Variants in FBXO33 observed in about 807,000 individuals in gnomAD.
FBXO33 encodes the protein F-box protein 33.
A neutral mutation model predicts 46.3 loss-of-function variants in FBXO33; 22 were observed. The observed-to-expected ratio is 0.48, with a 90% CI of 0.34 to 0.68. FBXO33 has a LOEUF of 0.68. Among genes scored for constraint, FBXO33 ranks in the 30% least tolerant of loss-of-function variants. The pLI, the probability that FBXO33 is intolerant of heterozygous loss-of-function variation, is 0.01. For missense variants in FBXO33, 692 were observed against 708.8 expected (o/e 0.98, Z 0.27); for synonymous variants, 337 against 291.3 (o/e 1.16, Z -1.60).
intron 1 of FBXO33, among the ~76,000 whole-genome samples, chr14:39,419,235 C>G (rs10136852): frequency 0.19 from 28,486 of 152,090 alleles, 2,713 homozygotes; most frequent in Middle Eastern, 0.29. Context: ...TTATAACTCA[C>G]GTATTTCAGA....
At chr14:39,426,167 AT>A (rs905389323) in intron 1 of FBXO33, among the ~76,000 whole-genome samples, 15 of 151,964 alleles carry the variant, frequency 9.9e-5, no homozygotes, top group African/African-American at 1.4e-4. Context: ...TTTCATATTT[AT>A]TTTTTTAACA....
Position 39,397,691 on chromosome 14 carries a change from T to C in FBXO33, c.*1825A>G, listed in dbSNP as rs1377873697. The C allele has an allele frequency of 6.6e-6, 1 of 152,646 alleles. No individual in the cohort carries two copies. Among genetic ancestry groups the C allele is most frequent in the Non-Finnish European group, 1.5e-5 (1 of 68,034 alleles). 9.5% of individuals were successfully genotyped at this position (152,646 alleles called of 1,614,324 possible). A position where few individuals can be genotyped will look rare whatever the true frequency, so the allele number is the denominator to read the frequency against. On this transcript the variant is annotated 3_prime_UTR_variant, in exon 4 of 4. Coordinates refer to ENST00000298097, the MANE Select transcript of FBXO33 (RefSeq NM_203301.4). ...ACATTATTATACACAATATAAGGATTATTGCAGTTTATTTAACACTAAAAG... is the reference window on the plus strand; with the variant it reads ...ACATTATTATACACAATATAAGGATCATTGCAGTTTATTTAACACTAAAAG...
chr14:39,418,414 T>C (rs1048996636), intron 1 of FBXO33, among the ~76,000 whole-genome samples: 3 of 151,588 alleles, frequency 2.0e-5, no homozygotes, highest in African/African-American at 4.8e-5. Flanking sequence ...CAGAAAAACA[T>C]GTCAAATTTG....
intron 1 of FBXO33, among the ~76,000 whole-genome samples, chr14:39,421,830 G>A (rs551364726): frequency 6.7e-6 from 1 of 150,264 alleles, no homozygotes; most frequent in Admixed American, 6.6e-5. Context: ...ACACACGCAC[G>A]AGTAAGAATA....
rs1261735240 is a variant in FBXO33 at position 39,399,229 on chromosome 14, A to G, written c.*287T>C. 8.8e-6 allele frequency: 2 copies of G among 228,412 alleles called. No homozygotes were observed. The highest frequency in any genetic ancestry group is 1.7e-5 in the Non-Finnish European group (2 of 117,450). The allele number at this position is 228,412 out of a possible 1,614,324, so 14.1% of individuals were successfully genotyped here. ...AAACGTCAAAAAGGCAGAGTAACTC[A>G]GTGAAAAATAAAGTTAGCCAGCAAC... On this transcript the variant is annotated 3_prime_UTR_variant, in exon 4 of 4. Transcript: ENST00000298097.
intron 1 of FBXO33, among the ~76,000 whole-genome samples, chr14:39,425,806 G>A (rs1034735200): frequency 1.6e-4 from 25 of 152,132 alleles, no homozygotes; most frequent in African/African-American, 5.8e-4. Context: ...TTGAGCGCTC[G>A]AAATGTGGCT....
intron 1 of FBXO33, among the ~76,000 whole-genome samples, chr14:39,418,183 C>T (rs1184560946): frequency 6.6e-6 from 1 of 151,804 alleles, no homozygotes; most frequent in Non-Finnish European, 1.5e-5. Context: ...CCTGCCTCAG[C>T]CTCCCGAGTA....
intron 1 of FBXO33, among the ~76,000 whole-genome samples, chr14:39,413,354 C>G (rs1439645273): frequency 6.6e-6 from 1 of 152,224 alleles, no homozygotes; most frequent in Non-Finnish European, 1.5e-5. Flanking sequence ...TCAGGCTCCA[C>G]TTCCAATTCT....
chr14:39,418,234 T>C (rs1301685431), intron 1 of FBXO33, among the ~76,000 whole-genome samples: 1 of 151,120 alleles, frequency 6.6e-6, no homozygotes, highest in Non-Finnish European at 1.5e-5. Context: ...CGGCTAATTT[T>C]TTGTGTTTTT....
intron 1 of FBXO33, among the ~76,000 whole-genome samples, chr14:39,410,887 C>T (rs573160590): frequency 6.6e-6 from 1 of 152,126 alleles, no homozygotes; most frequent in Admixed American, 6.5e-5. Context: ...TCTTTCACTT[C>T]GAGTCTTTTT....
At chr14:39,400,939 T>C (rs7151017) in intron 3 of FBXO33, among the ~76,000 whole-genome samples, 143,320 of 152,244 alleles carry the variant, frequency 0.94, 67,517 homozygotes, top group East Asian at 0.96. Flanking sequence ...TATGAAATAC[T>C]GCCATTCACA....
intron 1 of FBXO33, among the ~76,000 whole-genome samples, chr14:39,405,741 T>C (rs1276213301): frequency 6.6e-6 from 1 of 151,428 alleles, no homozygotes; most frequent in Non-Finnish European, 1.5e-5. Flanking sequence ...AATTCATATA[T>C]AAAATCACCC....
chr14:39,410,234 T>C (rs2075416527), intron 1 of FBXO33, among the ~76,000 whole-genome samples: 1 of 152,162 alleles, frequency 6.6e-6, no homozygotes, highest in African/African-American at 2.4e-5. Context: ...ATTTTTTGAG[T>C]GCTATATCAT....
At chr14:39,427,669 G>A (rs2075522621) in intron 1 of FBXO33, among the ~76,000 whole-genome samples, 1 of 152,012 alleles carries the variant, frequency 6.6e-6, no homozygotes, top group Non-Finnish European at 1.5e-5. Flanking sequence ...CAGGGTGCAG[G>A]GGATCACACC....
At chr14:39,428,465 G>A (rs1382659022) in intron 1 of FBXO33, among the ~76,000 whole-genome samples, 1 of 152,144 alleles carries the variant, frequency 6.6e-6, no homozygotes, top group East Asian at 1.9e-4. Context: ...CTCCCAGAAA[G>A]TGCTGTCATT....
Position 39,432,046 on chromosome 14 carries a change from C to G in FBXO33, c.117G>C (p.Arg39=). Residue 39 remains arginine (R), a synonymous_variant, in exon 1 of 4, where the codon CGG becomes CGC. Coordinates refer to ENST00000298097, the MANE Select transcript of FBXO33 (RefSeq NM_203301.4). ...GCCCCCGCAGTACCCGGAGCAGCCCCCGCAGCCGTCGCAGCTGCTGCAGCC... is the reference window on the plus strand; with the variant it reads ...GCCCCCGCAGTACCCGGAGCAGCCCGCGCAGCCGTCGCAGCTGCTGCAGCC... ...RLRLQQLRRL[R]GLLRVLRGRP... is the part of the protein sequence containing the mutation. 1 of 1,291,234 alleles carries G rather than the reference C, an allele frequency of 7.7e-7. No homozygotes were observed. 80.0% of individuals were successfully genotyped at this position (1,291,234 alleles called of 1,614,324 possible). A position where few individuals can be genotyped will look rare whatever the true frequency, so the allele number is the denominator to read the frequency against.
chr14:39,423,847 G>A (rs2075497545), intron 1 of FBXO33, among the ~76,000 whole-genome samples: 1 of 152,082 alleles, frequency 6.6e-6, no homozygotes, highest in Non-Finnish European at 1.5e-5. Context: ...GAATCTGGGG[G>A]CACATGTACA....
intron 1 of FBXO33, among the ~76,000 whole-genome samples, chr14:39,417,509 T>G (rs549551542): frequency 6.6e-6 from 1 of 151,974 alleles, no homozygotes; most frequent in Non-Finnish European, 1.5e-5. Context: ...GCATTTCTTA[T>G]AAAGGTATTT....
Position 39,397,778 on chromosome 14 carries a change from G to A in FBXO33, c.*1738C>T, listed in dbSNP as rs1198936710. The A allele has an allele frequency of 1.3e-5, 2 of 152,552 alleles. No homozygotes were observed. Among genetic ancestry groups the A allele is most frequent in the Non-Finnish European group, 2.9e-5 (2 of 68,030 alleles). The allele number at this position is 152,552 out of a possible 1,614,324, so 9.4% of individuals were successfully genotyped here. A position where few individuals can be genotyped will look rare whatever the true frequency, so the allele number is the denominator to read the frequency against. On this transcript the variant is annotated 3_prime_UTR_variant, in exon 4 of 4. Transcript: ENST00000298097. The stretch of plus-strand genomic sequence containing the variant: ...GATCATTTTTAATGCTTTATTCATT[G>A]ATTAAAAGAATATACATTTAACATA...
Sources: gnomAD v4.1 joint callset for allele counts (sites outside exome capture counted in the v4.1 genomes callset) on GRCh38, gnomAD v4.1.1 for gene constraint, MANE v1.5 for transcripts, NCBI Gene and HGNC (gene_info 2026-07-23, HGNC 2026-07-21) for gene names.